The following SLC9A9 variants were observed in gnomAD, a reference collection of about 807,000 sequenced individuals.
The protein encoded by SLC9A9 is sodium/hydrogen exchanger 9.
In SLC9A9, 62 loss-of-function variants were observed where a neutral mutation model predicts 77.8. The observed-to-expected ratio is 0.80, with a 90% CI of 0.65 to 0.98. The LOEUF is 0.98. Among genes scored for constraint, SLC9A9 ranks in the 50% least tolerant of loss-of-function variants. SLC9A9 has a pLI of 0.00. For synonymous variants in SLC9A9, 320 were observed against 283.5 expected (o/e 1.13, Z -1.29); for missense variants, 775 against 774.9 (o/e 1.00, Z 0.00).
At chr3:143,587,046 G>T (rs1415699111) in intron 6 of SLC9A9, among the ~76,000 whole-genome samples, 2 of 152,186 alleles carry the variant, frequency 1.3e-5, no homozygotes, top group Non-Finnish European at 2.9e-5. Flanking sequence ...CCAAATCCTT[G>T]ATGAATATCA....
chr3:143,476,631 A>T (rs796633518), intron 11 of SLC9A9, among the ~76,000 whole-genome samples: 4 of 152,356 alleles, frequency 2.6e-5, no homozygotes, highest in African/African-American at 9.6e-5. Flanking sequence ...GCTAACATAG[A>T]TCGGAAGAAA....
At position 143,693,251 on chromosome 3, in the gene SLC9A9, C is replaced by A; in HGVS notation, c.590G>T (p.Gly197Val). 6.2e-7 allele frequency: 1 copy of A among 1,613,366 alleles called. No individual in the cohort carries two copies. The highest frequency in any genetic ancestry group is 1.1e-5 in the South Asian group (1 of 91,060). The part of the protein sequence containing the change: ...AMIHAGQLKN[G>V]DFHFTDCLFF... Reference sequence around the variant, plus strand: ...TAAACAGTCAGTGAAATGAAAGTCTCCATTTTTCAGCTGGCCAGCATGTAT... The same window carrying A: ...TAAACAGTCAGTGAAATGAAAGTCTACATTTTTCAGCTGGCCAGCATGTAT... Residue 197 changes from glycine (G) to valine (V), a missense_variant, in exon 5 of 16, where the codon GGA (glycine) becomes GTA (valine). Coordinates refer to ENST00000316549, the MANE Select transcript of SLC9A9 (RefSeq NM_173653.4).
intron 14 of SLC9A9, among the ~76,000 whole-genome samples, chr3:143,281,021 A>G (rs941201119): frequency 2.6e-5 from 4 of 152,154 alleles, no homozygotes; most frequent in Non-Finnish European, 5.9e-5. Context: ...GCCAATATCC[A>G]GCTCTCTTCT....
chr3:143,729,196 C>T (rs1217630248), intron 4 of SLC9A9, among the ~76,000 whole-genome samples: 1 of 152,150 alleles, frequency 6.6e-6, no homozygotes, highest in East Asian at 1.9e-4. Flanking sequence ...TCTTTGCCCC[C>T]AAGTCTAAGT....
At chr3:143,804,718 CA>C (rs1234933604) in intron 2 of SLC9A9, among the ~76,000 whole-genome samples, 7 of 152,158 alleles carry the variant, frequency 4.6e-5, no homozygotes, top group Admixed American at 3.3e-4. Flanking sequence ...ACCAACACGA[CA>C]AAAAAGAGTT....
chr3:143,750,323 TTGTC>T (rs1167727273), intron 4 of SLC9A9, among the ~76,000 whole-genome samples: 2 of 152,238 alleles, frequency 1.3e-5, no homozygotes, highest in African/African-American at 4.8e-5. Context: ...GCATTTTCTA[TTGTC>T]ACAAGCTTTA....
intron 14 of SLC9A9, among the ~76,000 whole-genome samples, chr3:143,338,029 A>G (rs1370318760): frequency 7.9e-5 from 12 of 152,206 alleles, no homozygotes; most frequent in Admixed American, 7.9e-4. Flanking sequence ...AGAGATGAAC[A>G]TGCATGTCTC....
In SLC9A9 at chr3:143,607,416, AAAT is replaced by A. The variant is rs1576607015; in HGVS notation, c.756-28696_756-28694del. 2.6e-5 allele frequency among the ~76,000 whole-genome samples: 4 copies of A among 152,256 alleles called. No homozygotes were observed. In the East Asian group the frequency reaches 7.7e-4, roughly 29 times the overall value. ...GAAGCCAAAGTAACCACTAATTGTA[AAAT>A]AATAATGATTACTGAATGGTTAAAA... On this transcript the variant is annotated intron_variant, in intron 6 of 15. Coordinates refer to ENST00000316549, the MANE Select transcript of SLC9A9 (RefSeq NM_173653.4).
chr3:143,464,906 T>C (rs537759658), intron 12 of SLC9A9, among the ~76,000 whole-genome samples: 47 of 152,246 alleles, frequency 3.1e-4, no homozygotes, highest in Middle Eastern at 3.4e-3. Context: ...TGAACTTCAG[T>C]TTTTCCCCTT....
At chr3:143,832,620 T>A (rs1401602089) in intron 1 of SLC9A9, among the ~76,000 whole-genome samples, 1 of 152,108 alleles carries the variant, frequency 6.6e-6, no homozygotes, top group African/African-American at 2.4e-5. Context: ...AAATCTCAGT[T>A]ATCCCCATCA....
chr3:143,452,383 G>T (rs1161484568), intron 12 of SLC9A9, among the ~76,000 whole-genome samples: 1 of 150,288 alleles, frequency 6.7e-6, no homozygotes, highest in Non-Finnish European at 1.5e-5. Flanking sequence ...GCACCGAAAA[G>T]AATACATTAA....
At chr3:143,517,872 C>T in intron 9 of SLC9A9, 1 of 1,572,804 alleles carries the variant, frequency 6.4e-7, no homozygotes. Context: ...TCAATAGCAG[C>T]CACTTTTTAA....
chr3:143,406,147 G>A (rs180946798), intron 12 of SLC9A9, among the ~76,000 whole-genome samples: 266 of 152,206 alleles, frequency 1.7e-3, no homozygotes, highest in Middle Eastern at 3.4e-3. Context: ...AGGATTCATT[G>A]GGCCTATTTT....
At chr3:143,294,627 C>T (rs1319441204) in intron 14 of SLC9A9, among the ~76,000 whole-genome samples, 4 of 152,152 alleles carry the variant, frequency 2.6e-5, no homozygotes, top group Non-Finnish European at 4.4e-5. Context: ...GCAGTGGCAA[C>T]CACTAGGGGT....
In SLC9A9 at chr3:143,341,513, A is replaced by T. The variant is rs539186711; in HGVS notation, c.1604+21971T>A. Among the ~76,000 whole-genome samples the T allele has an allele frequency of 5.9e-5, 9 of 152,272 alleles. No individual in the cohort carries two copies. The East Asian group carries it at 1.7e-3, about 29-fold the overall frequency. ...ATTATTGGGTATCTGTGAATTTAAC[A>T]CACTTTTCAGAATGGGACAAGTTGC... On this transcript the variant is annotated intron_variant, in intron 14 of 15. Coordinates refer to ENST00000316549, the MANE Select transcript of SLC9A9 (RefSeq NM_173653.4).
At chr3:143,584,171 T>C in intron 6 of SLC9A9, among the ~76,000 whole-genome samples, 1 of 151,798 alleles carries the variant, frequency 6.6e-6, no homozygotes, top group East Asian at 1.9e-4. Context: ...ATCTCTCTCC[T>C]GATCACGACA....
chr3:143,362,814 A>G (rs974517653), intron 14 of SLC9A9, among the ~76,000 whole-genome samples: 19 of 152,336 alleles, frequency 1.2e-4, no homozygotes, highest in African/African-American at 4.3e-4. Flanking sequence ...ATGGCAAAAC[A>G]CTTCAGACCT....
intron 1 of SLC9A9, among the ~76,000 whole-genome samples, chr3:143,834,829 G>A (rs758954036): frequency 2.0e-5 from 3 of 152,104 alleles, no homozygotes; most frequent in Non-Finnish European, 4.4e-5. Context: ...TGCCATTGTG[G>A]CAGAGGTGAC....
chr3:143,772,007 C>T (rs1055535952), intron 4 of SLC9A9, among the ~76,000 whole-genome samples: 2 of 149,240 alleles, frequency 1.3e-5, no homozygotes, highest in African/African-American at 5.1e-5. Context: ...AAGACAGCCT[C>T]AGAGCATCCC....
Sources: allele counts gnomAD v4.1 joint callset (sites outside exome capture counted in the v4.1 genomes callset), GRCh38; gene constraint gnomAD v4.1.1; transcripts MANE v1.5; gene names NCBI Gene and HGNC (gene_info 2026-07-23, HGNC 2026-07-21).